The following NR3C2 variants were observed in gnomAD, a reference collection of about 807,000 sequenced individuals.
NR3C2 encodes the protein mineralocorticoid receptor.
NR3C2 carries 15 observed loss-of-function variants against 86.4 expected under a neutral mutation model. The ratio of observed to expected loss-of-function variants is 0.17; its 90% CI spans 0.12 to 0.27. The LOEUF (loss-of-function observed/expected upper bound fraction) is 0.27, where lower values mean the gene tolerates loss of function less well. Among genes scored for constraint, NR3C2 ranks in the 10% least tolerant of loss-of-function variants. NR3C2 has a pLI of 1.00. For missense variants in NR3C2, 960 were observed against 1,195.6 expected, an observed-to-expected ratio of 0.80 and a Z score of 2.91; for synonymous variants, 458 against 450.5, an observed-to-expected ratio of 1.02 and a Z score of -0.21.
chr4:148,375,321 TG>T (rs1055177541), intron 2 of NR3C2, among the ~76,000 whole-genome samples: 2 of 152,060 alleles, frequency 1.3e-5, no homozygotes, highest in African/African-American at 4.8e-5. Flanking sequence ...CCAGGCGTGG[TG>T]GTGGGCACCT....
At chr4:148,326,350 G>A (rs892636955) in intron 2 of NR3C2, among the ~76,000 whole-genome samples, 1 of 151,990 alleles carries the variant, frequency 6.6e-6, no homozygotes, top group African/African-American at 2.4e-5. Context: ...GCAGTGAACT[G>A]AGATCATGCC....
chr4:148,246,560 TA>T (rs1433936231), intron 3 of NR3C2, among the ~76,000 whole-genome samples: 2 of 152,210 alleles, frequency 1.3e-5, no homozygotes, highest in African/African-American at 4.8e-5. Flanking sequence ...TATTTTATTT[TA>T]TTTTTTTGAA....
At chr4:148,377,372 T>C (rs1579225308) in intron 2 of NR3C2, among the ~76,000 whole-genome samples, 1 of 152,188 alleles carries the variant, frequency 6.6e-6, no homozygotes, top group African/African-American at 2.4e-5. Context: ...GGAATAAACA[T>C]GTCTTTTCAA....
At chr4:148,096,605 G>A (rs866927221) in intron 8 of NR3C2, among the ~76,000 whole-genome samples, 3 of 152,094 alleles carry the variant, frequency 2.0e-5, no homozygotes, top group Non-Finnish European at 4.4e-5. Flanking sequence ...AAAAGCAAAC[G>A]GTCTGGCAAA....
intron 2 of NR3C2, among the ~76,000 whole-genome samples, chr4:148,351,304 C>T (rs1207875654): frequency 6.6e-6 from 1 of 152,078 alleles, no homozygotes; most frequent in East Asian, 1.9e-4. Flanking sequence ...AGCTGCCATG[C>T]CCTAATTTTT....
intron 2 of NR3C2, among the ~76,000 whole-genome samples, chr4:148,407,160 T>C (rs1560715061): frequency 6.6e-6 from 1 of 152,176 alleles, no homozygotes; most frequent in Admixed American, 6.5e-5. Context: ...CCAAGATCAA[T>C]ACTAACAACT....
chr4:148,254,490 G>C (rs1739729230), intron 3 of NR3C2, among the ~76,000 whole-genome samples: 1 of 152,178 alleles, frequency 6.6e-6, no homozygotes, highest in Admixed American at 6.5e-5. Flanking sequence ...ACCTTTCAGG[G>C]TGGCCTAAAT....
intron 3 of NR3C2, among the ~76,000 whole-genome samples, chr4:148,197,523 T>C (rs61757492): frequency 5.9e-5 from 9 of 152,142 alleles, no homozygotes; most frequent in Admixed American, 1.3e-4. Flanking sequence ...ACTTTTTAGA[T>C]TGTAGGCATA....
At chr4:148,313,954 G>A (rs1186009505) in intron 2 of NR3C2, among the ~76,000 whole-genome samples, 1 of 152,154 alleles carries the variant, frequency 6.6e-6, no homozygotes, top group Non-Finnish European at 1.5e-5. Context: ...AAGGGGGAAG[G>A]TAAGTGATGG....
intron 3 of NR3C2, among the ~76,000 whole-genome samples, chr4:148,257,848 C>A (rs1370615309): frequency 6.6e-6 from 1 of 151,852 alleles, no homozygotes; most frequent in Non-Finnish European, 1.5e-5. Context: ...GTCTAATTCC[C>A]AAATCAATAC....
intron 6 of NR3C2, among the ~76,000 whole-genome samples, chr4:148,130,686 GTTCTT>G (rs1560936707): frequency 1.3e-5 from 2 of 151,550 alleles, no homozygotes; most frequent in Non-Finnish European, 2.9e-5. Flanking sequence ...ACTTTCAGCT[GTTCTT>G]TTCTTTGTAG....
At chr4:148,209,362 C>T (rs772455726) in intron 3 of NR3C2, among the ~76,000 whole-genome samples, 1 of 152,300 alleles carries the variant, frequency 6.6e-6, no homozygotes, top group South Asian at 2.1e-4. Context: ...TTACTGTAGC[C>T]TCAACCTTCT....
chr4:148,344,538 T>C (rs1744899294), intron 2 of NR3C2, among the ~76,000 whole-genome samples: 1 of 152,158 alleles, frequency 6.6e-6, no homozygotes, highest in African/African-American at 2.4e-5. Context: ...ACCCAGTGCA[T>C]TGTTTGGCAC....
Position 148,129,041 on chromosome 4 carries a change from G to A in NR3C2, c.2511-8753C>T, listed in dbSNP as rs79028206. ...GCTAACTTCTACTTAATGAATCTCT[G>A]CAGGAAGTGAAAGCAGGCCATCGAG... On this transcript the variant is annotated intron_variant, in intron 6 of 8. Transcript: ENST00000358102. 2.3e-3 allele frequency among the ~76,000 whole-genome samples: 347 copies of A among 152,242 alleles called. 3 individuals carry two copies. Among genetic ancestry groups the A allele is most frequent in the African/African-American group, 8.2e-3 (340 of 41,528 alleles).
At chr4:148,222,094 G>A (rs1579032370) in intron 3 of NR3C2, among the ~76,000 whole-genome samples, 1 of 152,106 alleles carries the variant, frequency 6.6e-6, no homozygotes, top group Non-Finnish European at 1.5e-5. Flanking sequence ...TTATTACTAT[G>A]ACTGTTATTG....
chr4:148,211,977 C>T (rs1208203768), intron 3 of NR3C2, among the ~76,000 whole-genome samples: 3 of 152,176 alleles, frequency 2.0e-5, no homozygotes, highest in African/African-American at 4.8e-5. Flanking sequence ...GAAAATTTCA[C>T]ATCCTCACTA....
At chr4:148,273,472 A>T (rs948745056) in intron 2 of NR3C2, among the ~76,000 whole-genome samples, 10 of 152,162 alleles carry the variant, frequency 6.6e-5, no homozygotes, top group African/African-American at 2.4e-4. Context: ...TGGTCGCTAA[A>T]TTTTTTTATA....
chr4:148,171,402 G>A (rs568045567), intron 4 of NR3C2, among the ~76,000 whole-genome samples: 6 of 152,350 alleles, frequency 3.9e-5, no homozygotes, highest in South Asian at 2.1e-4. Flanking sequence ...TATCAGGGAT[G>A]AATGCCTTAT....
chr4:148,287,559 A>G (rs1236495989), intron 2 of NR3C2, among the ~76,000 whole-genome samples: 3 of 152,244 alleles, frequency 2.0e-5, no homozygotes, highest in Admixed American at 2.0e-4. Context: ...TTAAACTGTC[A>G]AAGTTTTCCT....
Sources: allele counts gnomAD v4.1 joint callset (sites outside exome capture counted in the v4.1 genomes callset), GRCh38; gene constraint gnomAD v4.1.1; transcripts MANE v1.5; gene names NCBI Gene and HGNC (gene_info 2026-07-23, HGNC 2026-07-21).